Variants in KIF17 observed in about 807,000 individuals in gnomAD.
The protein encoded by KIF17 is kinesin family member 17.
KIF17 carries 80 observed loss-of-function variants against 96.8 expected under a neutral mutation model. The ratio of observed to expected loss-of-function variants is 0.83; its 90% CI spans 0.69 to 1.00. KIF17 has a LOEUF of 1.00. Ranked by LOEUF, KIF17 falls within the 50% of genes least tolerant of loss-of-function variation. KIF17 has a pLI of 0.00. For synonymous variants in KIF17, 567 were observed against 587.5 expected, an observed-to-expected ratio of 0.97 and a Z score of 0.51; for missense variants, 1,280 against 1,372.9, an observed-to-expected ratio of 0.93 and a Z score of 1.07.
In KIF17 at chr1:20,690,255, G is replaced by A. The variant is rs778791899; in HGVS notation, c.1314C>T (p.Ile438=). ...CGTCATATGAGTTGCGCATGGCAGT[G>A]ATGTCTTCCTCCAGCCTGGCCCGAG... The part of the protein sequence containing the change: ...QESRARLEED[I]TAMRNSYDVR... Residue 438 remains isoleucine, a synonymous_variant, in exon 7 of 15, where the codon ATC becomes ATT. Transcript: ENST00000400463. 3 of 1,507,068 alleles carry A rather than the reference G, an allele frequency of 2.0e-6. No homozygotes were observed. Among genetic ancestry groups the A allele is most frequent in the Non-Finnish European group, 1.8e-6 (2 of 1,113,038 alleles). The allele number at this position is 1,507,068 out of a possible 1,614,324, so 93.4% of individuals were successfully genotyped here.
chr1:20,694,673 G>C (rs1480625374), intron 6 of KIF17, among the ~76,000 whole-genome samples: 2 of 152,236 alleles, frequency 1.3e-5, no homozygotes, highest in African/African-American at 4.8e-5. Flanking sequence ...GGGAGGGAGA[G>C]AAGGGGACGG....
Position 20,717,466 on chromosome 1 carries a change from G to A in KIF17, c.231+10C>T. 1 of 1,609,978 alleles carries A rather than the reference G, an allele frequency of 6.2e-7. No individual in the cohort carries two copies. Among genetic ancestry groups the A allele is most frequent in the Non-Finnish European group, 8.5e-7 (1 of 1,179,496 alleles). ...TGCCGCCTGCAGGGCGGCCTGCCGG[G>A]CGCCCTCACCTCCACCAGCGGATAG... On this transcript the variant is annotated intron_variant, in intron 1 of 14. Coordinates refer to ENST00000400463, the MANE Select transcript of KIF17 (RefSeq NM_001122819.3).
chr1:20,683,870 C>T (rs553440432), intron 10 of KIF17, among the ~76,000 whole-genome samples: 1 of 151,656 alleles, frequency 6.6e-6, no homozygotes, highest in African/African-American at 2.4e-5. Context: ...TCTAGGATGC[C>T]ACCCCTGCAG....
At chr1:20,714,320 C>G (rs1218422281) in intron 2 of KIF17, among the ~76,000 whole-genome samples, 1 of 151,718 alleles carries the variant, frequency 6.6e-6, no homozygotes, top group Non-Finnish European at 1.5e-5. Context: ...GAGCGAGACT[C>G]CGTCTCAAAA....
intron 6 of KIF17, among the ~76,000 whole-genome samples, chr1:20,694,246 C>T (rs371108644): frequency 6.6e-6 from 1 of 152,156 alleles, no homozygotes; most frequent in Admixed American, 6.6e-5. Context: ...TACAGGTGCA[C>T]ACCACCACAC....
At chr1:20,697,617 G>GTAAA (rs1226845263) in intron 6 of KIF17, among the ~76,000 whole-genome samples, 1 of 152,102 alleles carries the variant, frequency 6.6e-6, no homozygotes, top group African/African-American at 2.4e-5. Flanking sequence ...AAATAAGTAA[G>GTAAA]TAAATAAATA....
At chr1:20,690,891 G>A (rs915597357) in intron 6 of KIF17, among the ~76,000 whole-genome samples, 6 of 151,946 alleles carry the variant, frequency 3.9e-5, no homozygotes, top group Non-Finnish European at 5.9e-5. Context: ...GTTTCACTGT[G>A]TTAGCCAGGA....
downstream of KIF17, among the ~76,000 whole-genome samples, chr1:20,661,863 A>T (rs1354754263): frequency 6.6e-6 from 1 of 152,240 alleles, no homozygotes; most frequent in East Asian, 1.9e-4. Flanking sequence ...GAGTTGGAAG[A>T]ATAAGATCAG....
Position 20,717,763 on chromosome 1 carries a change from C to G in KIF17, c.-57G>C. The G allele has an allele frequency of 2.7e-6, 4 of 1,486,204 alleles. No homozygotes were observed. The highest frequency in any genetic ancestry group is 2.7e-6 in the Non-Finnish European group (3 of 1,126,074). The allele number at this position is 1,486,204 out of a possible 1,614,324, so 92.1% of individuals were successfully genotyped here. ...CTGACCCCCGCCCCGCCGGGGACTC[C>G]CAGCAGCCCGGGCCAAGGGGCGGGG... On this transcript the variant is annotated 5_prime_UTR_variant, in exon 1 of 15. Transcript: ENST00000400463.
chr1:20,688,312 G>T (rs2053977730), intron 7 of KIF17, among the ~76,000 whole-genome samples: 1 of 152,090 alleles, frequency 6.6e-6, no homozygotes. Context: ...GCCTCCCAAA[G>T]TGCTGGGATT....
Position 20,704,626 on chromosome 1 carries a change from G to T in KIF17, c.944C>A (p.Ala315Glu). 6.2e-7 allele frequency: 1 copy of T among 1,614,118 alleles called. No homozygotes were observed. The highest frequency in any genetic ancestry group is 8.5e-7 in the Non-Finnish European group (1 of 1,180,008). Residue 315 changes from alanine (A) to glutamate (E), a missense_variant, in exon 5 of 15, where the codon GCG (alanine) becomes GAG (glutamate). Transcript: ENST00000400463. This position sits in a 1 kb window ranked among gnomAD's most constrained non-coding sequence, Gnocchi z 6.8. ...GAGTGTCTCATCGTAGTTGTTGTCC[G>T]CAGGCGACAGGCAGGCCACCATGAG... is the stretch of plus-strand genomic sequence containing the variant. Reference protein sequence around the residue: ...KTLMVACLSPADNNYDETLST... With the variant: ...KTLMVACLSPEDNNYDETLST...
chr1:20,682,107 C>G (rs1483002402), intron 11 of KIF17, among the ~76,000 whole-genome samples: 3 of 150,722 alleles, frequency 2.0e-5, no homozygotes, highest in Non-Finnish European at 4.4e-5. Context: ...CACGCACACC[C>G]ACACACACAC....
intron 3 of KIF17, among the ~76,000 whole-genome samples, chr1:20,710,758 T>C (rs1367564615): frequency 6.6e-6 from 1 of 152,252 alleles, no homozygotes; most frequent in East Asian, 1.9e-4. Flanking sequence ...CAGCTGGTCC[T>C]ATCTGCTGAA....
chr1:20,665,169 C>A (rs1005476250), intron 14 of KIF17, among the ~76,000 whole-genome samples: 3 of 135,242 alleles, frequency 2.2e-5, no homozygotes, highest in Non-Finnish European at 3.2e-5. Context: ...CCCCCCGCCC[C>A]ACCCATTCTG....
At chr1:20,707,855 T>C (rs1433877190) in intron 4 of KIF17, among the ~76,000 whole-genome samples, 2 of 144,140 alleles carry the variant, frequency 1.4e-5, no homozygotes, top group African/African-American at 5.2e-5. Context: ...TATATATGTA[T>C]ATATATAATA....
At chr1:20,674,173 T>C (rs2053696578) in intron 11 of KIF17, among the ~76,000 whole-genome samples, 2 of 152,142 alleles carry the variant, frequency 1.3e-5, no homozygotes, top group Admixed American at 1.3e-4. Flanking sequence ...AAGCAGTCTT[T>C]CTGCCTCGGC....
intron 11 of KIF17, among the ~76,000 whole-genome samples, chr1:20,676,284 T>C (rs996100385): frequency 6.6e-6 from 1 of 152,148 alleles, no homozygotes; most frequent in African/African-American, 2.4e-5. Context: ...ATCTAAAAAT[T>C]GAAAATTTTC....
intron 14 of KIF17, among the ~76,000 whole-genome samples, chr1:20,665,002 T>C (rs1257820280): frequency 6.6e-6 from 1 of 151,994 alleles, no homozygotes; most frequent in Middle Eastern, 3.2e-3. Context: ...TTTTAAAGCA[T>C]CAGACTGAGG....
rs1264686753 is a variant in KIF17 at position 20,699,671 on chromosome 1, C to CGCTTGCTAGACAGGGGGA, written c.1124-1201_1124-1184dup. Among the ~76,000 whole-genome samples, 61 of 147,224 alleles carry CGCTTGCTAGACAGGGGGA rather than the reference C, an allele frequency of 4.1e-4. No homozygotes were observed. Among genetic ancestry groups the CGCTTGCTAGACAGGGGGA allele is most frequent in the Admixed American group, 3.3e-3 (50 of 15,112 alleles). Reference sequence around the variant, plus strand: ...CAGGAGGAGCTTGCTAGACAGGAGGCGCTTGCTAGACAGGGGGAGCTTGCT... The same window carrying CGCTTGCTAGACAGGGGGA: ...CAGGAGGAGCTTGCTAGACAGGAGGCGCTTGCTAGACAGGGGGAGCTTGCTAGACAGGGGGAGCTTGCT... On this transcript the variant is annotated intron_variant, in intron 5 of 14. Transcript: ENST00000400463. This position sits in a 1 kb window ranked among gnomAD's most constrained non-coding sequence, Gnocchi z 4.3.
Sources: gnomAD v4.1 joint callset for allele counts (sites outside exome capture counted in the v4.1 genomes callset) on GRCh38, gnomAD v4.1.1 for gene constraint, Gnocchi (gnomAD v3.1) non-coding constraint, MANE v1.5 for transcripts, NCBI Gene and HGNC (gene_info 2026-07-23, HGNC 2026-07-21) for gene names.